The following ZSWIM5 variants were observed in gnomAD, a reference collection of about 807,000 sequenced individuals.
ZSWIM5 encodes the protein zinc finger SWIM domain-containing protein 5.
In ZSWIM5, 55 loss-of-function variants were observed where a neutral mutation model predicts 119.6. The ratio of observed to expected loss-of-function variants is 0.46; its 90% confidence interval spans 0.37 to 0.58. The LOEUF (loss-of-function observed/expected upper bound fraction) is 0.58. Among genes scored for constraint, ZSWIM5 ranks in the 20% least tolerant of loss-of-function variants. The pLI is 0.00. For missense variants in ZSWIM5, 1,193 were observed against 1,512.8 expected (o/e 0.79, Z 3.51); for synonymous variants, 537 against 606.9 (o/e 0.88, Z 1.69).
rs376499497 is a variant in ZSWIM5, at chr1:45,044,814, T to C, written c.1433-1419A>G. Reference sequence around the variant, plus strand: ...AAATATATATATATAAATATATATATATATATAAATATATATATATAAATA... The same window carrying C: ...AAATATATATATATAAATATATATACATATATAAATATATATATATAAATA... On this transcript the variant is annotated intron_variant, in intron 5 of 13. Transcript: ENST00000359600. 1.5e-3 allele frequency among the ~76,000 whole-genome samples: 17 copies of C among 11,566 alleles called. 6 individuals carry two copies. Among genetic ancestry groups the C allele is most frequent in the Non-Finnish European group, 2.2e-3 (15 of 6,838 alleles). The allele number at this position is 11,566 out of a possible 152,430, so 7.6% of individuals were successfully genotyped here.
chr1:45,079,188 A>T (rs1342605105), intron 2 of ZSWIM5, among the ~76,000 whole-genome samples: 1 of 150,788 alleles, frequency 6.6e-6, no homozygotes, highest in Non-Finnish European at 1.5e-5. Flanking sequence ...ACCCCCTTTG[A>T]TTGTAATTTT....
chr1:45,124,033 C>A (rs1339800490), intron 1 of ZSWIM5, among the ~76,000 whole-genome samples: 1 of 151,836 alleles, frequency 6.6e-6, no homozygotes, highest in Admixed American at 6.6e-5. Context: ...AAAACAAAAA[C>A]AAAAACCCTT....
intron 1 of ZSWIM5, among the ~76,000 whole-genome samples, chr1:45,173,236 T>C (rs528045680): frequency 2.0e-5 from 3 of 152,264 alleles, no homozygotes; most frequent in South Asian, 2.1e-4. Context: ...CATGAATACA[T>C]AATAGGTCCA....
At chr1:45,147,358 G>C (rs963369100) in intron 1 of ZSWIM5, among the ~76,000 whole-genome samples, 3 of 151,966 alleles carry the variant, frequency 2.0e-5, no homozygotes, top group African/African-American at 7.3e-5. Context: ...TAAATAAAAT[G>C]TCATACTAAT....
intron 1 of ZSWIM5, among the ~76,000 whole-genome samples, chr1:45,112,486 G>T (rs924709852): frequency 6.6e-6 from 1 of 152,164 alleles, no homozygotes; most frequent in African/African-American, 2.4e-5. Context: ...TGTTTTATAT[G>T]AGATTTTGAC....
At chr1:45,106,667 C>T (rs932184567) in intron 1 of ZSWIM5, among the ~76,000 whole-genome samples, 13 of 152,238 alleles carry the variant, frequency 8.5e-5, no homozygotes, top group Non-Finnish European at 1.3e-4. Flanking sequence ...AAGTGAGGAG[C>T]GCCTCCGCCA....
rs1646194263 is a variant in ZSWIM5, at chr1:45,206,578, G to T, written c.-228C>A. On this transcript the variant is annotated 5_prime_UTR_variant, in exon 1 of 14. Coordinates refer to ENST00000359600, the MANE Select transcript of ZSWIM5 (RefSeq NM_020883.2). ...GCAGGGTAGCGTGAGGCGGCGCGCG[G>T]TGTCCTGGCCGCCGCGGACGCGAAG... 35 of 983,440 alleles carry T rather than the reference G, an allele frequency of 3.6e-5. No individual in the cohort carries two copies. The highest frequency in any genetic ancestry group is 4.0e-5 in the Non-Finnish European group (33 of 826,902). The allele number at this position is 983,440 out of a possible 1,614,324, so 60.9% of individuals were successfully genotyped here.
At chr1:45,200,155 A>G (rs780656177) in intron 1 of ZSWIM5, among the ~76,000 whole-genome samples, 3 of 152,204 alleles carry the variant, frequency 2.0e-5, no homozygotes, top group Non-Finnish European at 2.9e-5. Context: ...CTGAGCACCA[A>G]CTTAGGACAA....
At chr1:45,163,717 C>T (rs12061758) in intron 1 of ZSWIM5, among the ~76,000 whole-genome samples, 8,858 of 151,992 alleles carry the variant, frequency 0.058, 538 homozygotes, top group East Asian at 0.23. Context: ...CTGGAAGAAA[C>T]GGTATCAGTG....
In ZSWIM5 at chr1:45,019,059, G is replaced by C; in HGVS notation, c.2953C>G (p.Gln985Glu). The change falls in exon 14 of 14, where the codon CAG becomes GAG. Residue 985 changes from glutamine to glutamate, a missense_variant. By Grantham distance (29) the Gln-to-Glu change is conservative (BLOSUM62 2). This residue lies in a region of ZSWIM5 where 961 missense variants were observed against 1,290.0 expected (regional missense o/e 0.74). Transcript: ENST00000359600. This position sits in a 1 kb window ranked among gnomAD's most constrained non-coding sequence, Gnocchi z 5.0. ...KDHIAFEAAY[Q>E]IAIDAAAGGM... Reference sequence around the variant, plus strand: ...CCAGCAGCAGCATCAATGGCAATCTGGTAGGCTGCCTCAAAGGCAATGTGG... The same window carrying C: ...CCAGCAGCAGCATCAATGGCAATCTCGTAGGCTGCCTCAAAGGCAATGTGG... 1 of 1,614,206 alleles carries C rather than the reference G, an allele frequency of 6.2e-7. No homozygotes were observed. Among genetic ancestry groups the C allele is most frequent in the Non-Finnish European group, 8.5e-7 (1 of 1,180,044 alleles).
At position 45,206,189 on chromosome 1, in the gene ZSWIM5, G is replaced by A; in HGVS notation, c.162C>T (p.Leu54=). The change falls in exon 1 of 14, where the codon CTC becomes CTT. Residue 54 remains leucine, a synonymous_variant. Coordinates refer to ENST00000359600, the MANE Select transcript of ZSWIM5 (RefSeq NM_020883.2). ...AGGVGSSCLV[L]GARPHLQPDS... is the part of the protein sequence containing the mutation. ...CCGGCTGCAGGTGGGGGCGGGCCCC[G>A]AGGACCAGGCAGCTGCTGCCGACGC... 6.2e-7 allele frequency: 1 copy of A among 1,604,022 alleles called. No individual in the cohort carries two copies. Among genetic ancestry groups the A allele is most frequent in the Non-Finnish European group, 8.5e-7 (1 of 1,176,390 alleles).
Position 45,060,258 on chromosome 1 carries a change from T to C in ZSWIM5, c.953-11A>G. ...TGGGGTCAGGGGCACCTATGAAGAA[T>C]GAGAACAGTGAAATGAATCACCTGA... On this transcript the variant is annotated splice_polypyrimidine_tract_variant and intron_variant, in intron 2 of 13. Transcript: ENST00000359600. The C allele has an allele frequency of 6.2e-7, 1 of 1,612,316 alleles. No individual in the cohort carries two copies. The highest frequency in any genetic ancestry group is 8.5e-7 in the Non-Finnish European group (1 of 1,179,484).
intron 1 of ZSWIM5, among the ~76,000 whole-genome samples, chr1:45,127,228 C>T (rs1000440906): frequency 4.6e-5 from 7 of 151,996 alleles, no homozygotes; most frequent in Non-Finnish European, 8.8e-5. Flanking sequence ...TCAACTAATG[C>T]GCTCCATCAT....
intron 8 of ZSWIM5, among the ~76,000 whole-genome samples, chr1:45,037,067 C>T (rs530582794): frequency 6.7e-6 from 1 of 149,584 alleles, no homozygotes; most frequent in East Asian, 2.0e-4. Context: ...TCCCAAAATG[C>T]TGGGATTATA....
intron 1 of ZSWIM5, among the ~76,000 whole-genome samples, chr1:45,196,046 T>G (rs999789508): frequency 2.1e-5 from 3 of 145,602 alleles, no homozygotes; most frequent in Admixed American, 6.8e-5. Flanking sequence ...TTTTTTTTTT[T>G]TTTTTTTTTT....
intron 8 of ZSWIM5, among the ~76,000 whole-genome samples, chr1:45,037,461 A>G (rs1644992392): frequency 6.6e-6 from 1 of 152,142 alleles, no homozygotes; most frequent in Non-Finnish European, 1.5e-5. Context: ...GAAGTATAAA[A>G]TCTTATATTT....
At chr1:45,025,810 T>C (rs1437817792) in intron 11 of ZSWIM5, among the ~76,000 whole-genome samples, 2 of 152,230 alleles carry the variant, frequency 1.3e-5, no homozygotes, top group African/African-American at 4.8e-5. Context: ...TGGCTTACAA[T>C]GATTTCACTT....
chr1:45,200,888 T>C (rs2149057430), intron 1 of ZSWIM5, among the ~76,000 whole-genome samples: 1 of 152,280 alleles, frequency 6.6e-6, no homozygotes, highest in South Asian at 2.1e-4. Context: ...CTGAATTATG[T>C]CACCCCCCAA....
chr1:45,153,688 ATAAAGAAAATGTGGTAGATAACTTCTAT>A (rs1645811273), intron 1 of ZSWIM5, among the ~76,000 whole-genome samples: 1 of 152,146 alleles, frequency 6.6e-6, no homozygotes, highest in Non-Finnish European at 1.5e-5. Flanking sequence ...AGTGGACTGG[ATAAAGAAAATGTGGTAGATAACTTCTAT>A]TCAAAATAGT....
Sources: allele counts gnomAD v4.1 joint callset (sites outside exome capture counted in the v4.1 genomes callset), GRCh38; gene constraint gnomAD v4.1.1; regional missense constraint gnomAD v4.1.1; non-coding constraint Gnocchi (gnomAD v3.1); transcripts MANE v1.5; gene names NCBI Gene and HGNC (gene_info 2026-07-23, HGNC 2026-07-21).